The following CPNE1 variants were observed in gnomAD, a reference collection of about 807,000 sequenced individuals.
The protein encoded by CPNE1 is copine-1.
In CPNE1, 58 loss-of-function variants were observed where a neutral mutation model predicts 63.2. The observed-to-expected ratio is 0.92, with a 90% CI of 0.74 to 1.14. The LOEUF is 1.14. CPNE1 is among the 50% of genes most tolerant of loss of function. The pLI, the probability that CPNE1 is intolerant of heterozygous loss-of-function variation, is 0.00. For missense variants in CPNE1, 672 were observed against 661.7 expected, an observed-to-expected ratio of 1.02 and a Z score of -0.17; for synonymous variants, 237 against 249.0, an observed-to-expected ratio of 0.95 and a Z score of 0.45.
At chr20:35,639,058 C>A in intron 1 of CPNE1, among the ~76,000 whole-genome samples, 1 of 149,314 alleles carries the variant, frequency 6.7e-6, no homozygotes, top group African/African-American at 2.5e-5. Context: ...TCTAAAGGAA[C>A]ACTGAGTGTA....
At position 35,653,483 on chromosome 20, in the gene CPNE1, C is replaced by T. The variant is rs2033686698; in HGVS notation, c.-1+11277G>A. ...TCTAGGGTAACTACATGAACAAAAG[C>T]TTCTCTCCCATTAAGTTTTTTACGG... On this transcript the variant is annotated intron_variant, in intron 1 of 15. Transcript: ENST00000397443. 3.1e-6 allele frequency: 5 copies of T among 1,614,094 alleles called. No homozygotes were observed. Among genetic ancestry groups the T allele is most frequent in the Non-Finnish European group, 4.2e-6 (5 of 1,180,048 alleles).
At chr20:35,664,306 C>T (rs919141502) in intron 1 of CPNE1, 4 of 152,410 alleles carry the variant, frequency 2.6e-5, no homozygotes, top group Non-Finnish European at 4.4e-5. Context: ...GCCACAAAGG[C>T]CTCCTTTCCA....
chr20:35,653,962 T>C (rs769169697), intron 1 of CPNE1: 22 of 1,614,146 alleles, frequency 1.4e-5, no homozygotes, highest in South Asian at 3.3e-5. Flanking sequence ...TTCCACAATA[T>C]CCAGCTTTTT....
chr20:35,649,552 TTTCAC>T (rs2033354938), intron 1 of CPNE1: 1 of 152,654 alleles, frequency 6.6e-6, no homozygotes, highest in South Asian at 2.1e-4. Flanking sequence ...AGGAACTACA[TTTCAC>T]TTAACACTGT....
At chr20:35,645,495 A>T (rs1050453694) in intron 1 of CPNE1, among the ~76,000 whole-genome samples, 1 of 152,224 alleles carries the variant, frequency 6.6e-6, no homozygotes, top group Non-Finnish European at 1.5e-5. Context: ...TAAAACCCTC[A>T]ACTGTTGAAG....
chr20:35,630,404 G>A, intron 13 of CPNE1, 35 bp downstream of exon 13: 23 of 1,598,240 alleles, frequency 1.4e-5, no homozygotes, highest in Non-Finnish European at 2.0e-5. Context: ...TCTTTGTGTG[G>A]ACAGACCTGC....
intron 1 of CPNE1, chr20:35,653,437 T>C: frequency 6.2e-7 from 1 of 1,614,130 alleles, no homozygotes; most frequent in Non-Finnish European, 8.5e-7. Flanking sequence ...AGGGGGATTT[T>C]TCTCAATCTC....
At chr20:35,627,506 G>A (rs1159175860) in intron 13 of CPNE1, 93 bp from the exon 14 acceptor site, 3 of 1,286,366 alleles carry the variant, frequency 2.3e-6, no homozygotes, top group African/African-American at 3.0e-5. Flanking sequence ...GGAGATCTCG[G>A]AACCTGGGTG....
chr20:35,659,564 G>A (rs1413496427), intron 1 of CPNE1, among the ~76,000 whole-genome samples: 1 of 152,088 alleles, frequency 6.6e-6, no homozygotes, highest in East Asian at 1.9e-4. Flanking sequence ...CTTGCTATAA[G>A]GACTAATTCC....
At chr20:35,638,087 C>A (rs971048697) in intron 1 of CPNE1, among the ~76,000 whole-genome samples, 1 of 152,180 alleles carries the variant, frequency 6.6e-6, no homozygotes, top group African/African-American at 2.4e-5. Context: ...TGTCTGTCTA[C>A]CCTGTAAACT....
chr20:35,636,675 T>C (rs1233056952), intron 1 of CPNE1, among the ~76,000 whole-genome samples: 1 of 152,080 alleles, frequency 6.6e-6, no homozygotes, highest in Non-Finnish European at 1.5e-5. Flanking sequence ...TGCACACCTG[T>C]AGTCCCAGCT....
chr20:35,631,695 G>A lies in CPNE1; in HGVS notation c.620C>T (p.Pro207Leu). 6.2e-7 allele frequency: 1 copy of A among 1,613,908 alleles called. No homozygotes were observed. Among genetic ancestry groups the A allele is most frequent in the South Asian group, 1.1e-5 (1 of 91,066 alleles). Residue 207 changes from proline to leucine, a missense_variant, in exon 7 of 16, where the codon CCC (proline) becomes CTC (leucine). Pro to Leu is a moderately conservative substitution (Grantham distance 98, BLOSUM62 -3). Coordinates refer to ENST00000397443, the MANE Select transcript of CPNE1 (RefSeq NM_152925.3). ...QHFCGGNPSTPIQVQCSDYDS... is the reference protein window; with the variant it reads ...QHFCGGNPSTLIQVQCSDYDS... ...AGGGGGCAAGCTCCTCACCTGGATG[G>A]GTGTGCTGGGGTTCCCACCACAGAA...
chr20:35,652,493 A>C, intron 1 of CPNE1: 4 of 1,575,256 alleles, frequency 2.5e-6, no homozygotes, highest in Non-Finnish European at 3.4e-6. Context: ...AGCAATATGA[A>C]GATCTACCCT....
intron 1 of CPNE1, chr20:35,659,032 C>T (rs1350463649): frequency 7.0e-6 from 5 of 714,702 alleles, no homozygotes; most frequent in African/African-American, 3.5e-5. Flanking sequence ...AGAGAATAAA[C>T]GGAGGCAAAA....
At chr20:35,637,809 G>A (rs1238247167) in intron 1 of CPNE1, among the ~76,000 whole-genome samples, 1 of 152,110 alleles carries the variant, frequency 6.6e-6, no homozygotes, top group Admixed American at 6.5e-5. Flanking sequence ...CCTTACCCTT[G>A]CCTAACTAAT....
At chr20:35,632,094 C>G in intron 5 of CPNE1, 69 bp from the exon 6 acceptor site, 1 of 1,596,160 alleles carries the variant, frequency 6.3e-7, no homozygotes, top group Non-Finnish European at 8.6e-7. Context: ...TCTGTCCACA[C>G]CCCCATCCCC....
intron 1 of CPNE1, among the ~76,000 whole-genome samples, chr20:35,635,378 A>C (rs2032429838): frequency 6.6e-6 from 1 of 152,114 alleles, no homozygotes; most frequent in South Asian, 2.1e-4. Context: ...GCACCTAGAC[A>C]ATACATATTT....
intron 1 of CPNE1, chr20:35,649,065 T>C (rs6060536): frequency 0.068 from 10,321 of 152,730 alleles, 428 homozygotes; most frequent in South Asian, 0.18. Flanking sequence ...TGTGGCCATA[T>C]TGGCAACAAG....
At chr20:35,658,803 A>C in intron 1 of CPNE1, 1 of 23,242 alleles carries the variant, frequency 4.3e-5, no homozygotes, top group Admixed American at 1.5e-3. Flanking sequence ...GCAAACAAAA[A>C]CACACACACA....
Sources: gnomAD v4.1 joint callset for allele counts (sites outside exome capture counted in the v4.1 genomes callset) on GRCh38, gnomAD v4.1.1 for gene constraint, MANE v1.5 for transcripts, NCBI Gene and HGNC (gene_info 2026-07-23, HGNC 2026-07-21) for gene names.